GDF3: variants seen among roughly 807,000 people sequenced by gnomAD.
The protein encoded by GDF3 is growth differentiation factor 3.
Under a neutral mutation model 10.2 loss-of-function variants are expected in GDF3, and 10 were observed. That is an observed-to-expected ratio of 0.98 (90% CI 0.60 to 1.66). GDF3 has a LOEUF of 1.66. Ranked by LOEUF, GDF3 falls within the 40% of genes most tolerant of loss-of-function variation. The pLI is 0.00. For synonymous variants in GDF3, 166 were observed against 178.5 expected (o/e 0.93, Z 0.56); for missense variants, 450 against 438.3 (o/e 1.03, Z -0.24).
At position 7,689,925 on chromosome 12, in the gene GDF3, G is replaced by A; in HGVS notation, c.1048C>T (p.Leu350=). ...ACTACCATGTCTTCATAATGTCGTA[G>A]AATGACATTGTCATTATTGTCCTGG... ...LYQDNNDNVI[L]RHYEDMVVDE... The change falls in exon 2 of 2, where the codon CTA becomes TTA. Residue 350 remains leucine (L), a synonymous_variant. Coordinates refer to ENST00000329913, the MANE Select transcript of GDF3 (RefSeq NM_020634.3). The A allele has an allele frequency of 6.2e-7, 1 of 1,613,456 alleles. No individual in the cohort carries two copies. Among genetic ancestry groups the A allele is most frequent in the South Asian group, 1.1e-5 (1 of 91,060 alleles).
rs766549202 is a variant in GDF3 at position 7,690,611 on chromosome 12, T to C, written c.362A>G (p.Gln121Arg). ...CAGGCCCAGCTGGGCCAATGTCAAC[T>C]GTTCCCTTTCTTTGATGGCAGACAG... ...FNLSAIKERE[Q>R]LTLAQLGLDL... The change falls in exon 2 of 2, where the codon CAG becomes CGG. Residue 121 changes from glutamine to arginine, a missense_variant. By Grantham distance (43) the Gln-to-Arg change is conservative. Coordinates refer to ENST00000329913, the MANE Select transcript of GDF3 (RefSeq NM_020634.3). The C allele has an allele frequency of 1.2e-6, 2 of 1,608,612 alleles. No individual in the cohort carries two copies. The highest frequency in any genetic ancestry group is 2.7e-5 in the African/African-American group (2 of 74,566).
intron 1 of GDF3, among the ~76,000 whole-genome samples, chr12:7,694,419 A>AAAAAATTT (rs1468862286): frequency 1.3e-5 from 2 of 151,756 alleles, no homozygotes; most frequent in Non-Finnish European, 2.9e-5. Flanking sequence ...TTAAAAAATT[A>AAAAAATTT]AAAAATTAGC....
chr12:7,693,370 A>C lies in GDF3; in HGVS notation c.268+2091T>G, dbSNP rs1215769255. ...CAGGCGCCCGCCACCACACCTGGCT[A>C]ATTTTTTTTTTTTTTTTTTTTGGTA... On this transcript the variant is annotated intron_variant, in intron 1 of 1. Coordinates refer to ENST00000329913, the MANE Select transcript of GDF3 (RefSeq NM_020634.3). Among the ~76,000 whole-genome samples the C allele has an allele frequency of 9.7e-5, 9 of 92,522 alleles. No individual in the cohort carries two copies. In the East Asian group the frequency reaches 1.1e-3, roughly 12 times the overall value. The allele number at this position is 92,522 out of a possible 152,430, so 60.7% of individuals were successfully genotyped here.
rs757517038 is a variant in GDF3, at chr12:7,690,274, C to T, written c.699G>A (p.Leu233=). The T allele has an allele frequency of 8.7e-6, 14 of 1,614,104 alleles. No homozygotes were observed. The highest frequency in any genetic ancestry group is 1.2e-5 in the Non-Finnish European group (14 of 1,180,012). The change falls in exon 2 of 2, where the codon CTG becomes CTA. Residue 233 remains leucine (L), a synonymous_variant. Transcript: ENST00000329913. ...ARLRCSLHAS[L]LVVTLNPDQC... ...GATCAGGGTTGAGAGTCACCACCAG[C>T]AGGGAAGCATGAAGGGAGCATCTTA...
intron 1 of GDF3, among the ~76,000 whole-genome samples, chr12:7,692,799 C>T (rs1193644840): frequency 6.6e-6 from 1 of 151,762 alleles, no homozygotes; most frequent in African/African-American, 2.4e-5. Flanking sequence ...CCACCACACC[C>T]AGCCAATTTT....
Position 7,689,878 on chromosome 12 carries a change from C to G in GDF3, c.1095G>C (p.Ter365TyrextTer27). ...DMVVDECGCG[*>Y] ...TCCTTCTATTCCCATTTCTGACATCCTACCCACACCCACATTCATCGACTA... is the reference window on the plus strand; with the variant it reads ...TCCTTCTATTCCCATTTCTGACATCGTACCCACACCCACATTCATCGACTA... Residue 365 changes from the stop codon to tyrosine, a stop_lost, in exon 2 of 2, where the codon TAG (stop) becomes TAC (tyrosine). Coordinates refer to ENST00000329913, the MANE Select transcript of GDF3 (RefSeq NM_020634.3). The G allele has an allele frequency of 1.9e-6, 3 of 1,592,234 alleles. No homozygotes were observed. Among genetic ancestry groups the G allele is most frequent in the Non-Finnish European group, 2.6e-6 (3 of 1,160,126 alleles).
intron 1 of GDF3, among the ~76,000 whole-genome samples, chr12:7,691,067 G>A (rs985746809): frequency 5.3e-5 from 8 of 151,424 alleles, no homozygotes; most frequent in African/African-American, 1.5e-4. Context: ...GGAGAATGGC[G>A]TGAACCCGGG....
At position 7,690,042 on chromosome 12, in the gene GDF3, C is replaced by T; in HGVS notation, c.931G>A (p.Ala311Thr). Residue 311 changes from alanine to threonine, a missense_variant, in exon 2 of 2, where the codon GCT becomes ACT. By Grantham distance (58) the Ala-to-Thr change is moderately conservative (BLOSUM62 0). Transcript: ENST00000329913. ...LTISLNSSNY[A>T]FMQALMHAVD... ...GCATGCATCAGGGCTTGCATGAAAG[C>T]ATAATTGGAGCTGTTGAGAGAGATG... 6.2e-7 allele frequency: 1 copy of T among 1,614,118 alleles called. No homozygotes were observed. Among genetic ancestry groups the T allele is most frequent in the South Asian group, 1.1e-5 (1 of 91,084 alleles).
intron 1 of GDF3, among the ~76,000 whole-genome samples, chr12:7,694,569 C>CAAAAA (rs57221382): frequency 3.7e-5 from 3 of 80,142 alleles, no homozygotes; most frequent in African/African-American, 5.5e-5. Context: ...GCGAGACTCT[C>CAAAAA]AAAAAAAAAA....
intron 1 of GDF3, among the ~76,000 whole-genome samples, chr12:7,693,159 T>C (rs943648158): frequency 2.6e-5 from 4 of 152,116 alleles, no homozygotes; most frequent in African/African-American, 9.7e-5. Context: ...TCTAATGCCA[T>C]CATTTTGTTT....
At chr12:7,694,988 C>A (rs2136879229) in intron 1 of GDF3, among the ~76,000 whole-genome samples, 1 of 152,232 alleles carries the variant, frequency 6.6e-6, no homozygotes, top group East Asian at 1.9e-4. Flanking sequence ...CTTTGCCACC[C>A]AACAAGAGTA....
At chr12:7,690,811 A>G in intron 1 of GDF3, 107 bp from the exon 2 acceptor site, 2 of 716,272 alleles carry the variant, frequency 2.8e-6, no homozygotes, top group East Asian at 2.6e-5. Flanking sequence ...AGGGCAGGGA[A>G]AGACACAAGC....
At chr12:7,692,509 A>ATTT (rs753587940) in intron 1 of GDF3, among the ~76,000 whole-genome samples, 31 of 135,700 alleles carry the variant, frequency 2.3e-4, no homozygotes, top group Non-Finnish European at 2.7e-4. Context: ...ATTGGCTTTA[A>ATTT]TTTTTTTTTT....
chr12:7,694,193 G>A (rs990733467), intron 1 of GDF3, among the ~76,000 whole-genome samples: 3 of 152,090 alleles, frequency 2.0e-5, no homozygotes, highest in Non-Finnish European at 4.4e-5. Context: ...GCAGGGCATG[G>A]TGGGTCAACT....
intron 1 of GDF3, 80 bp from the exon 2 acceptor site, chr12:7,690,784 C>A (rs1864121313): frequency 1.3e-6 from 1 of 798,836 alleles, no homozygotes. Context: ...ATGCCAGACA[C>A]CCACATATAC....
chr12:7,693,371 A>AT (rs71038719), intron 1 of GDF3, among the ~76,000 whole-genome samples: 8,152 of 95,906 alleles, frequency 0.085, 667 homozygotes, highest in African/African-American at 0.21. Context: ...CACCTGGCTA[A>AT]TTTTTTTTTT....
intron 1 of GDF3, 42 bp from the exon 2 acceptor site, chr12:7,690,746 T>G (rs1592072693): frequency 9.4e-7 from 1 of 1,066,718 alleles, no homozygotes; most frequent in East Asian, 2.4e-5. Context: ...AATGATGTAT[T>G]TACTTCATAT....
rs755595648 is a variant in GDF3, at chr12:7,695,503, G to A, written c.226C>T (p.Leu76=). ...VSRDLCYVKE[L]GVRGNVLRFL... The stretch of plus-strand genomic sequence containing the variant: ...CGAAGTACATTCCCGCGGACGCCCA[G>A]CTCCTTTACGTAGCATAAGTCTCGG... Residue 76 remains leucine, a synonymous_variant, in exon 1 of 2, where the codon CTG becomes TTG. Coordinates refer to ENST00000329913, the MANE Select transcript of GDF3 (RefSeq NM_020634.3). The A allele has an allele frequency of 4.3e-6, 7 of 1,613,928 alleles. No homozygotes were observed. The highest frequency in any genetic ancestry group is 5.9e-6 in the Non-Finnish European group (7 of 1,179,980).
Position 7,690,335 on chromosome 12 carries a change from CCT to C in GDF3, c.636_637del (p.Val214GlufsTer5). The C allele has an allele frequency of 1.9e-6, 3 of 1,614,050 alleles. No individual in the cohort carries two copies. Among genetic ancestry groups the C allele is most frequent in the Non-Finnish European group, 2.5e-6 (3 of 1,179,968 alleles). On this transcript the variant is annotated frameshift_variant, in exon 2 of 2. Transcript: ENST00000329913. LOFTEE classifies it low-confidence loss of function (END_TRUNC). The stretch of plus-strand genomic sequence containing the variant: ...GGTGTCTTCAGGCTGAAAATTCACC[CCT>C]GAGTCTCTATCTTCTTTGACCAGTA...
Sources: allele counts gnomAD v4.1 joint callset (sites outside exome capture counted in the v4.1 genomes callset), GRCh38; gene constraint gnomAD v4.1.1; transcripts MANE v1.5; gene names NCBI Gene and HGNC (gene_info 2026-07-23, HGNC 2026-07-21).